The following CSMD1 variants were observed in gnomAD, a reference collection of about 807,000 sequenced individuals.
CSMD1 encodes the protein CUB and sushi domain-containing protein 1.
A neutral mutation model predicts 417.5 loss-of-function variants in CSMD1; 213 were observed. The observed-to-expected ratio is 0.51, with a 90% CI of 0.46 to 0.57. The LOEUF is 0.57. Ranked by LOEUF, CSMD1 falls within the 20% of genes least tolerant of loss-of-function variation. The pLI is 0.00. For missense variants in CSMD1, 6,923 were observed against 4,529.7 expected (o/e 1.53, Z -15.17); for synonymous variants, 2,862 against 1,736.8 (o/e 1.65, Z -16.11).
chr8:4,482,495 T>A (rs1216527021), intron 2 of CSMD1, among the ~76,000 whole-genome samples: 1 of 152,232 alleles, frequency 6.6e-6, no homozygotes, highest in East Asian at 1.9e-4. Flanking sequence ...CAGTCTATTA[T>A]TGATGGGCAT....
chr8:3,458,132 A>G (rs994197779), intron 12 of CSMD1, among the ~76,000 whole-genome samples: 8 of 152,158 alleles, frequency 5.3e-5, no homozygotes, highest in African/African-American at 1.9e-4. Context: ...CATTTCCACT[A>G]CATCTTATCT....
chr8:3,798,954 G>T (rs1023178826), intron 5 of CSMD1, among the ~76,000 whole-genome samples: 4 of 152,000 alleles, frequency 2.6e-5, no homozygotes, highest in Non-Finnish European at 4.4e-5. Context: ...AAACTCTTTA[G>T]TAGATCCATT....
intron 2 of CSMD1, among the ~76,000 whole-genome samples, chr8:4,581,118 G>C (rs1799395936): frequency 6.6e-6 from 1 of 152,122 alleles, no homozygotes; most frequent in Non-Finnish European, 1.5e-5. Flanking sequence ...AACTGAAAAT[G>C]AACGGTAGAA....
intron 8 of CSMD1, among the ~76,000 whole-genome samples, chr8:3,599,368 A>G (rs1801250619): frequency 6.6e-6 from 1 of 152,018 alleles, no homozygotes; most frequent in South Asian, 2.1e-4. Context: ...ATTAACCCCA[A>G]CTCAGCATCA....
chr8:4,088,420 C>A (rs1161841421), intron 3 of CSMD1, among the ~76,000 whole-genome samples: 4 of 152,198 alleles, frequency 2.6e-5, no homozygotes, highest in African/African-American at 7.2e-5. Context: ...GTTTCCTCTC[C>A]AAACTCACTG....
chr8:4,401,855 C>T (rs1449079531), intron 3 of CSMD1, among the ~76,000 whole-genome samples: 1 of 152,054 alleles, frequency 6.6e-6, no homozygotes, highest in East Asian at 1.9e-4. Flanking sequence ...TCCTGACTTT[C>T]CCCCCAAATT....
At chr8:4,305,782 C>A (rs960528910) in intron 3 of CSMD1, among the ~76,000 whole-genome samples, 1 of 152,088 alleles carries the variant, frequency 6.6e-6, no homozygotes, top group Non-Finnish European at 1.5e-5. Context: ...TTTCACTTCA[C>A]AAAAGTGATT....
At chr8:3,974,542 C>G (rs1202673198) in intron 5 of CSMD1, among the ~76,000 whole-genome samples, 1 of 151,896 alleles carries the variant, frequency 6.6e-6, no homozygotes, top group Non-Finnish European at 1.5e-5. Flanking sequence ...TTAGTTGTCT[C>G]AAAATATTTA....
chr8:4,947,101 C>T (rs1381945965), intron 1 of CSMD1, among the ~76,000 whole-genome samples: 1 of 152,136 alleles, frequency 6.6e-6, no homozygotes, highest in Admixed American at 6.6e-5. Context: ...GTTACATAGT[C>T]ATCTATAACT....
intron 1 of CSMD1, among the ~76,000 whole-genome samples, chr8:4,874,729 T>G (rs1802942808): frequency 6.6e-6 from 1 of 151,712 alleles, no homozygotes; most frequent in Admixed American, 6.6e-5. Flanking sequence ...ATCTGAATTC[T>G]TAACACCTTA....
intron 1 of CSMD1, among the ~76,000 whole-genome samples, chr8:4,966,609 G>T (rs1441445409): frequency 2.0e-5 from 3 of 152,138 alleles, no homozygotes; most frequent in Non-Finnish European, 2.9e-5. Context: ...GAGAGGTACT[G>T]TCTTAGGTAG....
Position 2,971,614 on chromosome 8 carries a change from C to T in CSMD1, c.8923+1503G>A, listed in dbSNP as rs144558028. 5.9e-5 allele frequency among the ~76,000 whole-genome samples: 9 copies of T among 152,210 alleles called. 1 individual carries two copies. Among genetic ancestry groups the T allele is most frequent in the African/African-American group, 1.9e-4 (8 of 41,522 alleles). The stretch of plus-strand genomic sequence containing the variant: ...TGGTTTATCCCATAGGATTGCTTAC[C>T]TGAAGTACTATATGAAAGAGTAGAA... On this transcript the variant is annotated intron_variant, in intron 57 of 69. Coordinates refer to ENST00000635120, the MANE Select transcript of CSMD1 (RefSeq NM_033225.6).
rs954440887 is a variant in CSMD1, at chr8:3,308,498, C to G, written c.3637G>C (p.Asp1213His). 2.5e-6 allele frequency: 4 copies of G among 1,609,682 alleles called. No individual in the cohort carries two copies. The highest frequency in any genetic ancestry group is 1.7e-5 in the Admixed American group (1 of 59,704). The change falls in exon 24 of 70, where the codon GAT (aspartate) becomes CAT (histidine). Residue 1213 changes from aspartate to histidine, a missense_variant. Physicochemically the swap from Asp to His is moderately conservative, Grantham distance 81. Transcript: ENST00000635120. ...QGFQLTYTSF[D>H]LVKCEDPGIP... Reference sequence around the variant, plus strand: ...CCCGGATCCTCACATTTTACCAGATCAAAACCTGCAAGAGAGAAAGGCAAG... The same window carrying G: ...CCCGGATCCTCACATTTTACCAGATGAAAACCTGCAAGAGAGAAAGGCAAG...
chr8:2,984,643 C>T (rs773879323), intron 54 of CSMD1, among the ~76,000 whole-genome samples: 11 of 152,190 alleles, frequency 7.2e-5, no homozygotes, highest in South Asian at 4.1e-4. Context: ...CACCGCGCCT[C>T]GCCTCATTCT....
At chr8:4,341,321 C>G (rs1447450670) in intron 3 of CSMD1, among the ~76,000 whole-genome samples, 1 of 152,064 alleles carries the variant, frequency 6.6e-6, no homozygotes, top group East Asian at 1.9e-4. Flanking sequence ...AATCATATCA[C>G]TAGGTAAAAG....
chr8:3,998,676 T>G (rs912137107), intron 4 of CSMD1, among the ~76,000 whole-genome samples: 1 of 151,984 alleles, frequency 6.6e-6, no homozygotes, highest in Non-Finnish European at 1.5e-5. Context: ...AAACTTAAAA[T>G]GGAATATCTT....
rs567011169 is a variant in CSMD1 at position 3,568,294 on chromosome 8, G to A, written c.1344+6651C>T. 7.2e-5 allele frequency among the ~76,000 whole-genome samples: 11 copies of A among 152,252 alleles called. No homozygotes were observed. In the East Asian group the frequency reaches 2.1e-3, roughly 29 times the overall value. On this transcript the variant is annotated intron_variant, in intron 10 of 69. Coordinates refer to ENST00000635120, the MANE Select transcript of CSMD1 (RefSeq NM_033225.6). The stretch of plus-strand genomic sequence containing the variant: ...ATCAGAACACCTGTCAGATCCATGT[G>A]TGCTGTTGTCAATGGCAGAATTTCC...
At chr8:4,990,242 A>C (rs1180381982) in intron 1 of CSMD1, among the ~76,000 whole-genome samples, 1 of 152,214 alleles carries the variant, frequency 6.6e-6, no homozygotes, top group African/African-American at 2.4e-5. Flanking sequence ...AGCACTGAAA[A>C]GCTTTCCGCT....
rs1206399725 is a variant in CSMD1 at position 3,096,864 on chromosome 8, G to T, written c.7123C>A (p.Leu2375Met). The T allele has an allele frequency of 6.4e-7, 1 of 1,553,394 alleles. No individual in the cohort carries two copies. The change falls in exon 47 of 70, where the codon CTG (leucine) becomes ATG (methionine). Residue 2375 changes from leucine to methionine, a missense_variant. Transcript: ENST00000635120. ...TFQSEKQFDALEVFDGSSGQS... is the reference protein window; with the variant it reads ...TFQSEKQFDAMEVFDGSSGQS... ...AGAAACTTACCATCAAACACTTCCA[G>T]TGCATCAAACTGCTTTTCACTTTGA...
Sources: gnomAD v4.1 joint callset for allele counts (sites outside exome capture counted in the v4.1 genomes callset) on GRCh38, gnomAD v4.1.1 for gene constraint, MANE v1.5 for transcripts, NCBI Gene and HGNC (gene_info 2026-07-23, HGNC 2026-07-21) for gene names.